PRIM2: variants seen among roughly 807,000 people sequenced by gnomAD.
The protein encoded by PRIM2 is DNA primase large subunit.
Under a neutral mutation model 67.3 loss-of-function variants are expected in PRIM2, and 39 were observed. The ratio of observed to expected loss-of-function variants is 0.58; its 90% confidence interval spans 0.45 to 0.76. The LOEUF (loss-of-function observed/expected upper bound fraction) is 0.76, where lower values mean the gene tolerates loss of function less well. PRIM2 is among the 30% of genes least tolerant of loss of function. The pLI, the probability that PRIM2 is intolerant of heterozygous loss-of-function variation, is 0.00. For missense variants in PRIM2, 398 were observed against 598.7 expected (o/e 0.66, Z 3.50); for synonymous variants, 143 against 198.7 (o/e 0.72, Z 2.36).
intron 13 of PRIM2, among the ~76,000 whole-genome samples, chr6:57,638,838 A>G (rs1378680255): frequency 6.6e-6 from 1 of 152,010 alleles, no homozygotes; most frequent in East Asian, 1.9e-4. Context: ...CACTGTCAAT[A>G]TTAGATCAAC....
chr6:57,270,514 AAGG>A, the PRIM2 span, among the ~76,000 whole-genome samples: 30 of 151,036 alleles, frequency 2.0e-4, no homozygotes, highest in African/African-American at 6.8e-4. Context: ...TTATCAGCTT[AAGG>A]AGATTTTGGG....
intron 10 of PRIM2, among the ~76,000 whole-genome samples, chr6:57,556,312 C>T (rs1324399578): frequency 6.6e-6 from 1 of 151,996 alleles, no homozygotes. Context: ...CGTATGGAAC[C>T]AAAAAGGCCT....
chr6:57,448,026 A>G (rs5001503), intron 7 of PRIM2, among the ~76,000 whole-genome samples: 1 of 152,194 alleles, frequency 6.6e-6, no homozygotes, highest in African/African-American at 2.4e-5. Flanking sequence ...CTTCTGGAAA[A>G]TGAAATAACC....
intron 7 of PRIM2, among the ~76,000 whole-genome samples, chr6:57,469,115 G>C (rs1345564946): frequency 1.3e-5 from 2 of 152,152 alleles, no homozygotes; most frequent in African/African-American, 4.8e-5. Context: ...GATTATCTTG[G>C]TATACATATA....
chr6:57,288,546 G>A, the PRIM2 span, among the ~76,000 whole-genome samples: 1 of 152,146 alleles, frequency 6.6e-6, no homozygotes, highest in Non-Finnish European at 1.5e-5. Context: ...CCCAATAGGG[G>A]CAACAGACAC....
At chr6:57,340,276 A>G (rs1216581674) in intron 5 of PRIM2, among the ~76,000 whole-genome samples, 2 of 152,224 alleles carry the variant, frequency 1.3e-5, no homozygotes, top group African/African-American at 4.8e-5. Context: ...AACTAGTTCA[A>G]CCATTGTGGA....
chr6:57,352,544 A>G (rs924348386), intron 5 of PRIM2, among the ~76,000 whole-genome samples: 1 of 152,104 alleles, frequency 6.6e-6, no homozygotes, highest in Non-Finnish European at 1.5e-5. Context: ...CGGCCTATTA[A>G]AGTGCCCACT....
the PRIM2 span, among the ~76,000 whole-genome samples, chr6:57,270,132 A>G: frequency 1.3e-5 from 2 of 151,950 alleles, no homozygotes; most frequent in African/African-American, 4.8e-5. Context: ...TTGGTTCCAT[A>G]TGAACTTTAA....
At chr6:57,343,492 A>G (rs1464759092) in intron 5 of PRIM2, among the ~76,000 whole-genome samples, 3 of 152,216 alleles carry the variant, frequency 2.0e-5, no homozygotes, top group African/African-American at 4.8e-5. Context: ...GAACTTTGAT[A>G]CAGCCAATAA....
rs1168733488 is a variant in PRIM2, at chr6:57,472,455, T to TC, written c.694-34930dup. Among the ~76,000 whole-genome samples, 20 of 151,836 alleles carry TC rather than the reference T, an allele frequency of 1.3e-4. No individual in the cohort carries two copies. The Middle Eastern group carries it at 0.01, about 79-fold the overall frequency. The stretch of plus-strand genomic sequence containing the variant: ...TTTGTCAAAACGGGCAAACTGAGTC[T>TC]CCTAAAGAGGGCCTTTCTGTGTAAA... On this transcript the variant is annotated intron_variant, in intron 7 of 13. Coordinates refer to ENST00000615550, the MANE Select transcript of PRIM2 (RefSeq NM_000947.5).
At position 57,646,510 on chromosome 6, in the gene PRIM2, C is replaced by CT. The variant is rs1236435010; in HGVS notation, c.*366dup. ...ACGGTTGTGAGCCACTGTGCCTGGC[C>CT]TTTTTTTTTTTTTTAACCTTTTTGT... On this transcript the variant is annotated 3_prime_UTR_variant, in exon 14 of 14. Coordinates refer to ENST00000615550, the MANE Select transcript of PRIM2 (RefSeq NM_000947.5). 4,230 of 161,742 alleles carry CT rather than the reference C, an allele frequency of 0.026. 40 individuals carry two copies. Among genetic ancestry groups the CT allele is most frequent in the African/African-American group, 0.037 (1,456 of 39,758 alleles). The allele number at this position is 161,742 out of a possible 1,614,324, so 10.0% of individuals were successfully genotyped here.
intron 2 of PRIM2, among the ~76,000 whole-genome samples, chr6:57,319,629 T>A (rs1339686307): frequency 6.6e-6 from 1 of 152,008 alleles, no homozygotes; most frequent in Non-Finnish European, 1.5e-5. Context: ...ACAATGGCAG[T>A]GGTAGGAAGG....
In PRIM2 at chr6:57,623,792, A is replaced by G. The variant is rs1298122663; in HGVS notation, c.1231-8341A>G. On this transcript the variant is annotated intron_variant, in intron 12 of 13. Transcript: ENST00000615550. ...AGACTGGGTAGCTTTGAGTCATTTC[A>G]TTCTTCTTGGTGGTGTTTACCATCA... Among the ~76,000 whole-genome samples, 20 of 151,678 alleles carry G rather than the reference A, an allele frequency of 1.3e-4. 1 individual carries two copies. The East Asian group carries it at 3.9e-3, about 29-fold the overall frequency.
At chr6:57,501,037 T>C (rs1287104551) in intron 7 of PRIM2, among the ~76,000 whole-genome samples, 33 of 152,284 alleles carry the variant, frequency 2.2e-4, no homozygotes, top group African/African-American at 7.9e-4. Context: ...CTAGTCTCCT[T>C]TCCTCTTGCT....
At chr6:57,624,635 T>C (rs1236853344) in intron 12 of PRIM2, among the ~76,000 whole-genome samples, 4 of 152,302 alleles carry the variant, frequency 2.6e-5, no homozygotes, top group East Asian at 1.9e-4. Context: ...TAAGGCAGAT[T>C]AGGCAAAAGG....
Position 57,467,257 on chromosome 6 carries a change from A to G in PRIM2, c.694-40130A>G, listed in dbSNP as rs1773227031. 7.9e-5 allele frequency among the ~76,000 whole-genome samples: 12 copies of G among 151,624 alleles called. No individual in the cohort carries two copies. In the South Asian group the frequency reaches 2.5e-3, roughly 32 times the overall value. On this transcript the variant is annotated intron_variant, in intron 7 of 13. Coordinates refer to ENST00000615550, the MANE Select transcript of PRIM2 (RefSeq NM_000947.5). ...TTTTCTTCTAGGGTTTTATGGTTTTAGGTCTTATGTTTAAGTCTTTAATCC... is the reference window on the plus strand; with the variant it reads ...TTTTCTTCTAGGGTTTTATGGTTTTGGGTCTTATGTTTAAGTCTTTAATCC...
intron 5 of PRIM2, among the ~76,000 whole-genome samples, chr6:57,353,705 T>A (rs1252441678): frequency 1.3e-5 from 2 of 152,148 alleles, no homozygotes; most frequent in African/African-American, 4.8e-5. Context: ...CTTTTTTATT[T>A]TTTTATTTTT....
In PRIM2 at chr6:57,413,924, TTAAC is replaced by T. The variant is rs1771174389; in HGVS notation, c.693+31759_693+31762del. On this transcript the variant is annotated intron_variant, in intron 7 of 13. Coordinates refer to ENST00000615550, the MANE Select transcript of PRIM2 (RefSeq NM_000947.5). ...CAGGGCTTTGAAGAGTACAGATGCT[TTAAC>T]TAGTCCCACATTAAAATTTAAGTGT... is the stretch of plus-strand genomic sequence containing the variant. 5.9e-5 allele frequency among the ~76,000 whole-genome samples: 9 copies of T among 152,130 alleles called. 1 individual carries two copies. In the South Asian group the frequency reaches 1.9e-3, roughly 31 times the overall value.
intron 10 of PRIM2, among the ~76,000 whole-genome samples, chr6:57,588,697 A>G: frequency 6.6e-6 from 1 of 152,058 alleles, no homozygotes; most frequent in Non-Finnish European, 1.5e-5. Flanking sequence ...ACAAGCTTAC[A>G]TTGTGTATTT....
Sources: allele counts gnomAD v4.1 joint callset (sites outside exome capture counted in the v4.1 genomes callset), GRCh38; gene constraint gnomAD v4.1.1; transcripts MANE v1.5; gene names NCBI Gene and HGNC (gene_info 2026-07-23, HGNC 2026-07-21).